Variants in CNKSR3 observed in about 807,000 individuals in gnomAD.
CNKSR3 encodes the protein CNKSR family member 3, also known as connector enhancer of kinase suppressor of ras 3.
Under a neutral mutation model 67.7 loss-of-function variants are expected in CNKSR3, and 36 were observed. That is an observed-to-expected ratio of 0.53 (90% confidence interval 0.41 to 0.70). CNKSR3 has a LOEUF of 0.70. Among genes scored for constraint, CNKSR3 ranks in the 30% least tolerant of loss-of-function variants. The probability of loss-of-function intolerance (pLI) is 0.00; values close to 1 mark genes in which losing one functional copy is unlikely to be tolerated. For synonymous variants in CNKSR3, 281 were observed against 271.4 expected, an observed-to-expected ratio of 1.04 and a Z score of -0.35; for missense variants, 630 against 695.2, an observed-to-expected ratio of 0.91 and a Z score of 1.05.
chr6:154,414,483 G>A, intron 9 of CNKSR3, 60 bp from the exon 10 acceptor site: 1 of 1,543,316 alleles, frequency 6.5e-7, no homozygotes, highest in Admixed American at 1.9e-5. Flanking sequence ...ATGATTCTTG[G>A]TGTTTATTTC....
Position 154,403,130 on chromosome 6 carries a change from T to C in CNKSR3, c.*3224A>G, listed in dbSNP as rs1178468303. On this transcript the variant is annotated 3_prime_UTR_variant, in exon 13 of 13. Coordinates refer to ENST00000607772, the MANE Select transcript of CNKSR3 (RefSeq NM_173515.4). ...TGAAAAGTGATGCTATAAAATATTATAATAGGGGTAGGTGTTGAGTTGTGT... is the reference window on the plus strand; with the variant it reads ...TGAAAAGTGATGCTATAAAATATTACAATAGGGGTAGGTGTTGAGTTGTGT... 1 of 152,130 alleles carries C rather than the reference T, an allele frequency of 6.6e-6. No homozygotes were observed. Among genetic ancestry groups the C allele is most frequent in the Non-Finnish European group, 1.5e-5 (1 of 68,036 alleles). The allele number at this position is 152,130 out of a possible 1,614,324, so 9.4% of individuals were successfully genotyped here. A position where few individuals can be genotyped will look rare whatever the true frequency, so the allele number is the denominator to read the frequency against.
chr6:154,420,240 A>T (rs1268716824), intron 9 of CNKSR3, among the ~76,000 whole-genome samples: 1 of 148,248 alleles, frequency 6.7e-6, no homozygotes, highest in African/African-American at 2.5e-5. Flanking sequence ...AAAAAAAAAA[A>T]AATTGAACTC....
intron 2 of CNKSR3, among the ~76,000 whole-genome samples, chr6:154,445,820 G>T (rs1009535229): frequency 5.3e-5 from 8 of 151,948 alleles, no homozygotes; most frequent in African/African-American, 1.9e-4. Flanking sequence ...AGCTAGAATA[G>T]AATTTTTAAA....
chr6:154,454,145 A>C (rs1785902264), intron 1 of CNKSR3, among the ~76,000 whole-genome samples: 1 of 87,034 alleles, frequency 1.1e-5, no homozygotes, highest in Non-Finnish European at 2.4e-5. Context: ...AGAGAGAGAG[A>C]TAAGAGCCCG....
Position 154,510,389 on chromosome 6 carries a change from G to T in CNKSR3, c.-275C>A. ...GGCACAGCTGCTGCTCCCGAGCGAC[G>T]GCAGCTGCAGGCACGCCGGGCTGCG... On this transcript the variant is annotated 5_prime_UTR_variant, in exon 1 of 13. Coordinates refer to ENST00000607772, the MANE Select transcript of CNKSR3 (RefSeq NM_173515.4). 1 of 501,970 alleles carries T rather than the reference G, an allele frequency of 2.0e-6. No homozygotes were observed. Among genetic ancestry groups the T allele is most frequent in the Non-Finnish European group, 3.5e-6 (1 of 285,798 alleles). 31.1% of individuals were successfully genotyped at this position (501,970 alleles called of 1,614,324 possible).
intron 12 of CNKSR3, among the ~76,000 whole-genome samples, chr6:154,408,824 G>A (rs186124916): frequency 1.3e-5 from 2 of 152,134 alleles, no homozygotes; most frequent in African/African-American, 4.8e-5. Context: ...GCTGTGTATA[G>A]ATAGATACCT....
intron 1 of CNKSR3, among the ~76,000 whole-genome samples, chr6:154,451,601 T>C (rs1255094189): frequency 6.6e-6 from 1 of 152,230 alleles, no homozygotes; most frequent in Non-Finnish European, 1.5e-5. Flanking sequence ...AGTGGGTATT[T>C]CTCTGAGCTA....
chr6:154,422,914 C>G lies in CNKSR3; in HGVS notation c.798+1G>C. ...AATTGAGCCTCAATAAACAAACTCA[C>G]CACAGTTTGCTGATTAACTTGAATG... On this transcript the variant is annotated splice_donor_variant, in intron 8 of 12. Coordinates refer to ENST00000607772, the MANE Select transcript of CNKSR3 (RefSeq NM_173515.4). LOFTEE classifies it high-confidence loss of function. The G allele has an allele frequency of 6.2e-7, 1 of 1,605,974 alleles. No homozygotes were observed. The highest frequency in any genetic ancestry group is 8.5e-7 in the Non-Finnish European group (1 of 1,173,544).
chr6:154,411,212 G>T, intron 10 of CNKSR3, 70 bp from the exon 11 acceptor site: 1 of 1,053,148 alleles, frequency 9.5e-7, no homozygotes, highest in Non-Finnish European at 1.4e-6. Flanking sequence ...TTCCAGCAGT[G>T]CTGCTACCTC....
chr6:154,422,660 G>C lies in CNKSR3; in HGVS notation c.799-8C>G. On this transcript the variant is annotated splice_region_variant and splice_polypyrimidine_tract_variant and intron_variant, in intron 8 of 12. Coordinates refer to ENST00000607772, the MANE Select transcript of CNKSR3 (RefSeq NM_173515.4). ...TTTCAGCTGCCATCCCACCTTCAAAGAAAGCAAATGGGGAGGGAAGACTTG... is the reference window on the plus strand; with the variant it reads ...TTTCAGCTGCCATCCCACCTTCAAACAAAGCAAATGGGGAGGGAAGACTTG... The C allele has an allele frequency of 6.2e-7, 1 of 1,612,900 alleles. No individual in the cohort carries two copies. The highest frequency in any genetic ancestry group is 8.5e-7 in the Non-Finnish European group (1 of 1,179,906).
chr6:154,404,149 T>A lies in CNKSR3; in HGVS notation c.*2205A>T, dbSNP rs1025788295. 1.3e-5 allele frequency: 2 copies of A among 151,610 alleles called. No homozygotes were observed. Among genetic ancestry groups the A allele is most frequent in the African/African-American group, 4.8e-5 (2 of 41,312 alleles). The allele number at this position is 151,610 out of a possible 1,614,324, so 9.4% of individuals were successfully genotyped here. A position where few individuals can be genotyped will look rare whatever the true frequency, so the allele number is the denominator to read the frequency against. ...ACACACTGCAAGCCTCTTCTCTCCA[T>A]CTGCCAAACACCCTTGGGTCTCCAT... On this transcript the variant is annotated 3_prime_UTR_variant, in exon 13 of 13. Transcript: ENST00000607772.
intron 1 of CNKSR3, among the ~76,000 whole-genome samples, chr6:154,470,183 CTTTCCTTTTTT>C (rs1562347519): frequency 6.5e-5 from 7 of 108,256 alleles, no homozygotes; most frequent in East Asian, 5.7e-4. Context: ...AACCTACTTT[CTTTCCTTTTTT>C]TTTTTTTTTT....
chr6:154,432,910 C>T (rs1785396838), intron 5 of CNKSR3, among the ~76,000 whole-genome samples: 1 of 152,162 alleles, frequency 6.6e-6, no homozygotes, highest in South Asian at 2.1e-4. Flanking sequence ...TTTTACATTC[C>T]TCCAATTTGT....
chr6:154,463,200 G>C (rs542097767), intron 1 of CNKSR3, among the ~76,000 whole-genome samples: 3 of 150,604 alleles, frequency 2.0e-5, no homozygotes, highest in Non-Finnish European at 4.4e-5. Context: ...CTCCCGAGTA[G>C]CTGGGACTAC....
At position 154,410,868 on chromosome 6, in the gene CNKSR3, T is replaced by G. The variant is rs1219456324; in HGVS notation, c.1279+66A>C. 5 of 1,291,244 alleles carry G rather than the reference T, an allele frequency of 3.9e-6. No homozygotes were observed. In the East Asian group the frequency reaches 1.2e-4, roughly 30 times the overall value. The allele number at this position is 1,291,244 out of a possible 1,614,324, so 80.0% of individuals were successfully genotyped here. A position where few individuals can be genotyped will look rare whatever the true frequency, so the allele number is the denominator to read the frequency against. On this transcript the variant is annotated intron_variant, in intron 11 of 12. Transcript: ENST00000607772. The stretch of plus-strand genomic sequence containing the variant: ...GCCAAATTCATCCAACAGTTCCAAC[T>G]AAGGCAGGGGGCGGGGAGGAGAAGT...
chr6:154,498,118 T>G (rs535701456), intron 1 of CNKSR3, among the ~76,000 whole-genome samples: 5 of 152,344 alleles, frequency 3.3e-5, no homozygotes, highest in African/African-American at 1.2e-4. Flanking sequence ...TGTTTCTGGC[T>G]AAATAATACC....
intron 1 of CNKSR3, among the ~76,000 whole-genome samples, chr6:154,475,276 C>T (rs184522079): frequency 3.2e-3 from 480 of 152,246 alleles, no homozygotes; most frequent in Admixed American, 5.6e-3. Flanking sequence ...CTCAGAGTTA[C>T]AACACACGCC....
chr6:154,421,102 C>T (rs1052150536), intron 9 of CNKSR3, among the ~76,000 whole-genome samples: 1 of 152,178 alleles, frequency 6.6e-6, no homozygotes, highest in Admixed American at 6.5e-5. Context: ...CAACCTCTGC[C>T]TCCTGGGTTC....
At chr6:154,414,894 G>A (rs1011111951) in intron 9 of CNKSR3, 45 of 445,846 alleles carry the variant, frequency 1.0e-4, no homozygotes, top group East Asian at 2.1e-4. Context: ...TCAGGACTTC[G>A]AGACCAGCCT....
Sources: gnomAD v4.1 joint callset for allele counts (sites outside exome capture counted in the v4.1 genomes callset) on GRCh38, gnomAD v4.1.1 for gene constraint, MANE v1.5 for transcripts, NCBI Gene and HGNC (gene_info 2026-07-23, HGNC 2026-07-21) for gene names.